Variants in ZNF563 observed in about 807,000 individuals in gnomAD.
ZNF563 encodes the protein zinc finger protein 563.
A neutral mutation model predicts 48.5 loss-of-function variants in ZNF563; 39 were observed. That is an observed-to-expected ratio of 0.80 (90% confidence interval 0.62 to 1.05). ZNF563 has a LOEUF of 1.05. Among genes scored for constraint, ZNF563 ranks in the 50% least tolerant of loss-of-function variants. The pLI is 0.00. For synonymous variants in ZNF563, 168 were observed against 187.9 expected (o/e 0.89, Z 0.87); for missense variants, 538 against 597.0 (o/e 0.90, Z 1.03).
chr19:12,335,750 G>C (rs1969013711), upstream of ZNF563, among the ~76,000 whole-genome samples: 1 of 152,168 alleles, frequency 6.6e-6, no homozygotes, highest in South Asian at 2.1e-4. Flanking sequence ...AGGCCTTGTT[G>C]GGTTTCCCCA....
At chr19:12,321,015 G>A (rs1045542374) in intron 3 of ZNF563, among the ~76,000 whole-genome samples, 3 of 151,826 alleles carry the variant, frequency 2.0e-5, no homozygotes, top group Admixed American at 6.6e-5. Context: ...TGGCTTGCAC[G>A]TGTAGTCCTG....
At chr19:12,327,421 C>T (rs1445289404) in intron 1 of ZNF563, among the ~76,000 whole-genome samples, 5 of 144,186 alleles carry the variant, frequency 3.5e-5, no homozygotes, top group Non-Finnish European at 7.5e-5. Flanking sequence ...GATCGTGCCA[C>T]TGCATTCCAG....
intron 1 of ZNF563, among the ~76,000 whole-genome samples, chr19:12,326,723 T>C (rs1968806108): frequency 6.6e-6 from 1 of 151,304 alleles, no homozygotes; most frequent in South Asian, 2.1e-4. Context: ...GGGGATGAAA[T>C]GGAAAAAATG....
chr19:12,345,842 C>T, the ZNF563 span: 7 of 152,012 alleles, frequency 4.6e-5, no homozygotes, highest in African/African-American at 1.7e-4. Context: ...ATCACTTGAA[C>T]CTGAGGTGGA....
chr19:12,340,029 A>G, the ZNF563 span, among the ~76,000 whole-genome samples: 1 of 152,304 alleles, frequency 6.6e-6, no homozygotes, highest in South Asian at 2.1e-4. Flanking sequence ...ATGTTAATCA[A>G]AGTGCTAAAA....
intron 1 of ZNF563, among the ~76,000 whole-genome samples, chr19:12,328,463 C>T (rs1359530598): frequency 6.6e-6 from 1 of 152,156 alleles, no homozygotes; most frequent in Non-Finnish European, 1.5e-5. Flanking sequence ...TGACAGACCA[C>T]CACCCTGTCT....
chr19:12,339,495 G>T, the ZNF563 span, among the ~76,000 whole-genome samples: 2 of 151,990 alleles, frequency 1.3e-5, no homozygotes, highest in East Asian at 3.9e-4. Context: ...AGTCAGGCTG[G>T]TCTCAAACTC....
At chr19:12,340,347 G>A in the ZNF563 span, among the ~76,000 whole-genome samples, 1 of 150,870 alleles carries the variant, frequency 6.6e-6, no homozygotes, top group Non-Finnish European at 1.5e-5. Context: ...AAGAAAAAAA[G>A]AAGAAGAAAA....
At chr19:12,341,774 C>A in the ZNF563 span, among the ~76,000 whole-genome samples, 1 of 152,098 alleles carries the variant, frequency 6.6e-6, no homozygotes, top group Non-Finnish European at 1.5e-5. Context: ...AGACTTCACA[C>A]TACATTTTCA....
At chr19:12,319,914 T>TA in intron 3 of ZNF563, 81 bp from the exon 4 acceptor site, 2 of 1,345,520 alleles carry the variant, frequency 1.5e-6, no homozygotes, top group Non-Finnish European at 2.0e-6. Context: ...GTATTGGATG[T>TA]ACTTTTTTTT....
intron 1 of ZNF563, among the ~76,000 whole-genome samples, chr19:12,331,303 C>A (rs554624185): frequency 6.6e-6 from 1 of 152,310 alleles, no homozygotes; most frequent in African/African-American, 2.4e-5. Flanking sequence ...TCAGGTCCTC[C>A]TGTCACCTGG....
intron 1 of ZNF563, among the ~76,000 whole-genome samples, chr19:12,328,233 T>C (rs1968840172): frequency 6.6e-6 from 1 of 152,178 alleles, no homozygotes; most frequent in African/African-American, 2.4e-5. Context: ...ACACCTGTGG[T>C]GCCACCACTT....
intron 1 of ZNF563, among the ~76,000 whole-genome samples, chr19:12,330,167 A>T (rs192422052): frequency 6.6e-6 from 1 of 151,976 alleles, no homozygotes; most frequent in East Asian, 1.9e-4. Context: ...TGATCCATAC[A>T]CCTCGGCCTC....
intron 1 of ZNF563, among the ~76,000 whole-genome samples, chr19:12,324,434 C>T (rs937432369): frequency 6.6e-6 from 1 of 152,080 alleles, no homozygotes; most frequent in South Asian, 2.1e-4. Flanking sequence ...AACCTCCTCA[C>T]TGGCCGGGTG....
At chr19:12,324,389 C>T (rs1599571570) in intron 1 of ZNF563, among the ~76,000 whole-genome samples, 1 of 151,934 alleles carries the variant, frequency 6.6e-6, no homozygotes, top group African/African-American at 2.4e-5. Context: ...ATTATCAAAT[C>T]TAATAGAAGT....
intron 1 of ZNF563, among the ~76,000 whole-genome samples, chr19:12,331,285 G>T (rs1044840191): frequency 6.6e-6 from 1 of 152,160 alleles, no homozygotes; most frequent in Non-Finnish European, 1.5e-5. Flanking sequence ...TCTCATTCAA[G>T]GGTCAGGTCA....
At position 12,323,008 on chromosome 19, in the gene ZNF563, T is replaced by TCAAAGTCCTACTGA. The variant is rs555256700; in HGVS notation, c.4-311_4-298dup. Among the ~76,000 whole-genome samples, 166 of 152,288 alleles carry TCAAAGTCCTACTGA rather than the reference T, an allele frequency of 1.1e-3. 1 individual carries two copies. The highest frequency in any genetic ancestry group is 3.9e-3 in the African/African-American group (162 of 41,578). On this transcript the variant is annotated intron_variant, in intron 1 of 3. Coordinates refer to ENST00000293725, the MANE Select transcript of ZNF563 (RefSeq NM_145276.3). ...TTTCTGTAGTAGGTTGTAGTTCTTG[T>TCAAAGTCCTACTGA]CAAAGTCCTACTGACAAAGTCCTAC...
chr19:12,332,050 G>GA (rs1248022144), intron 1 of ZNF563, among the ~76,000 whole-genome samples: 11 of 152,020 alleles, frequency 7.2e-5, no homozygotes. Context: ...GCTACCTGGG[G>GA]AAAAAAATGA....
chr19:12,327,662 G>GT (rs1395281865), intron 1 of ZNF563, among the ~76,000 whole-genome samples: 2 of 151,978 alleles, frequency 1.3e-5, no homozygotes, highest in Non-Finnish European at 2.9e-5. Flanking sequence ...CTAGCAATGT[G>GT]TACATAAAAA....
Sources: gnomAD v4.1 joint callset for allele counts (sites outside exome capture counted in the v4.1 genomes callset) on GRCh38, gnomAD v4.1.1 for gene constraint, MANE v1.5 for transcripts, NCBI Gene and HGNC (gene_info 2026-07-23, HGNC 2026-07-21) for gene names.